The following ISM1 variants were observed in gnomAD, a reference collection of about 807,000 sequenced individuals.
ISM1 encodes isthmin-1.
Under a neutral mutation model 46.3 loss-of-function variants are expected in ISM1, and 25 were observed. The observed-to-expected ratio is 0.54, with a 90% CI of 0.39 to 0.75. The LOEUF is 0.75. Among genes scored for constraint, ISM1 ranks in the 30% least tolerant of loss-of-function variants. The pLI is 0.00. For synonymous variants in ISM1, 255 were observed against 256.7 expected (o/e 0.99, Z 0.06); for missense variants, 536 against 625.4 (o/e 0.86, Z 1.52).
rs77718667 is a variant in ISM1, at chr20:13,272,931, C to T, written c.378+2188C>T. On this transcript the variant is annotated intron_variant, in intron 2 of 5. Coordinates refer to ENST00000262487, the MANE Select transcript of ISM1 (RefSeq NM_080826.2). ...ACAATCTGAAGCCTGCTGTGGCTAG[C>T]GCTTTTTCCCAGAGGTGGGAATGTC... is the stretch of plus-strand genomic sequence containing the variant. Among the ~76,000 whole-genome samples, 1,378 of 152,308 alleles carry T rather than the reference C, an allele frequency of 9.0e-3. 27 individuals carry two copies. Among genetic ancestry groups the T allele is most frequent in the African/African-American group, 0.031 (1,303 of 41,550 alleles).
chr20:13,312,482 C>CCT, the ISM1 span, among the ~76,000 whole-genome samples: 3 of 152,214 alleles, frequency 2.0e-5, no homozygotes, highest in Admixed American at 2.0e-4. Flanking sequence ...TCCTCTCCCT[C>CCT]ATGCACAGTC....
At chr20:13,251,503 T>TG (rs111623381) in intron 1 of ISM1, among the ~76,000 whole-genome samples, 6,180 of 152,270 alleles carry the variant, frequency 0.041, 194 homozygotes, top group African/African-American at 0.079. Context: ...ATTCTGGGGA[T>TG]GGATCCTCTG....
chr20:13,271,385 G>A (rs919931582), intron 2 of ISM1, among the ~76,000 whole-genome samples: 2 of 152,180 alleles, frequency 1.3e-5, no homozygotes, highest in Non-Finnish European at 2.9e-5. Context: ...GGGAGGTTAG[G>A]GAAAGGGTGA....
intron 2 of ISM1, among the ~76,000 whole-genome samples, chr20:13,271,140 A>T (rs1177930823): frequency 6.6e-6 from 1 of 152,242 alleles, no homozygotes; most frequent in Admixed American, 6.5e-5. Context: ...CTGTGAATAG[A>T]TTGGGCAAAT....
chr20:13,264,103 A>T (rs2040018211), intron 1 of ISM1, among the ~76,000 whole-genome samples: 1 of 152,120 alleles, frequency 6.6e-6, no homozygotes, highest in Non-Finnish European at 1.5e-5. Flanking sequence ...ATCAACTAGT[A>T]CTTATTTGTT....
the ISM1 span, among the ~76,000 whole-genome samples, chr20:13,313,377 T>C: frequency 0.37 from 56,397 of 152,160 alleles, 11,401 homozygotes; most frequent in East Asian, 0.67. Flanking sequence ...CTTACTCTTG[T>C]GTCAATCACA....
At chr20:13,252,676 A>G (rs1300959970) in intron 1 of ISM1, among the ~76,000 whole-genome samples, 1 of 152,134 alleles carries the variant, frequency 6.6e-6, no homozygotes, top group Non-Finnish European at 1.5e-5. Context: ...AATCGCTTGA[A>G]CACGGGAGAC....
chr20:13,247,520 G>T (rs2039811608), intron 1 of ISM1, among the ~76,000 whole-genome samples: 2 of 85,324 alleles, frequency 2.3e-5, no homozygotes, highest in Admixed American at 1.1e-4. Context: ...AGTGAGGGGT[G>T]TGTGTGTGTG....
At chr20:13,253,616 G>A (rs2039891394) in intron 1 of ISM1, among the ~76,000 whole-genome samples, 1 of 152,028 alleles carries the variant, frequency 6.6e-6, no homozygotes, top group Non-Finnish European at 1.5e-5. Context: ...CCTGCTGCTG[G>A]GCCCCACCCC....
intron 1 of ISM1, among the ~76,000 whole-genome samples, chr20:13,242,070 G>GA (rs1305188283): frequency 1.7e-4 from 26 of 152,166 alleles, no homozygotes; most frequent in Non-Finnish European, 2.9e-5. Flanking sequence ...TTTAAAACTG[G>GA]AAAAATGAGT....
intron 5 of ISM1, among the ~76,000 whole-genome samples, chr20:13,293,154 C>T (rs920487421): frequency 4.7e-5 from 7 of 150,176 alleles, no homozygotes; most frequent in South Asian, 2.1e-4. Flanking sequence ...GAGCTGAGAT[C>T]GCGCCACTGC....
At chr20:13,271,207 A>G (rs1251839700) in intron 2 of ISM1, among the ~76,000 whole-genome samples, 1 of 152,194 alleles carries the variant, frequency 6.6e-6, no homozygotes, top group Non-Finnish European at 1.5e-5. Context: ...GTGCCCCTCT[A>G]AACTTGCCTT....
Position 13,299,058 on chromosome 20 carries a change from T to C in ISM1, c.994T>C (p.Tyr332His). The change falls in exon 6 of 6, where the codon TAC becomes CAC. Residue 332 changes from tyrosine to histidine, a missense_variant. Transcript: ENST00000262487. The surrounding 1 kb of genome is among the most constrained non-coding windows in gnomAD (Gnocchi z 5.8). ...CTGCTCCTACCCCACTGAGGTGGCC[T>C]ACAGCACGGCCGACATCTTCGACCG... ...CPCSYPTEVA[Y>H]STADIFDRIK... 6.2e-7 allele frequency: 1 copy of C among 1,613,796 alleles called. No individual in the cohort carries two copies. The highest frequency in any genetic ancestry group is 8.5e-7 in the Non-Finnish European group (1 of 1,179,842).
Position 13,274,675 on chromosome 20 carries a change from C to T in ISM1, c.378+3932C>T, listed in dbSNP as rs546687523. Among the ~76,000 whole-genome samples the T allele has an allele frequency of 2.5e-3, 383 of 151,944 alleles. 2 individuals are homozygous for T. The highest frequency in any genetic ancestry group is 4.0e-3 in the Non-Finnish European group (269 of 67,874). ...CCGCCCCCTCTCCACTCCCCGCCCC[C>T]CCCGCGCCCGGCCCCCGGGCCTCTT... On this transcript the variant is annotated intron_variant, in intron 2 of 5. Coordinates refer to ENST00000262487, the MANE Select transcript of ISM1 (RefSeq NM_080826.2).
chr20:13,240,517 A>G (rs377378917), intron 1 of ISM1, among the ~76,000 whole-genome samples: 1 of 152,190 alleles, frequency 6.6e-6, no homozygotes, highest in Non-Finnish European at 1.5e-5. Flanking sequence ...TGACTAAGGG[A>G]TGGAAAAGAG....
At position 13,300,346 on chromosome 20, in the gene ISM1, T is replaced by G. The variant is rs1600574215; in HGVS notation, c.*887T>G. 6.6e-6 allele frequency: 1 copy of G among 152,056 alleles called. No homozygotes were observed. Among genetic ancestry groups the G allele is most frequent in the African/African-American group, 2.4e-5 (1 of 41,398 alleles). The allele number at this position is 152,056 out of a possible 1,614,324, so 9.4% of individuals were successfully genotyped here. A position where few individuals can be genotyped will look rare whatever the true frequency, so the allele number is the denominator to read the frequency against. On this transcript the variant is annotated 3_prime_UTR_variant, in exon 6 of 6. Coordinates refer to ENST00000262487, the MANE Select transcript of ISM1 (RefSeq NM_080826.2). ...TGGGAAAAAGATAATGGACCGCATT[T>G]CACCTATTTTAATACTATTTTAACA...
At chr20:13,291,760 C>T (rs1481175003) in intron 4 of ISM1, among the ~76,000 whole-genome samples, 1 of 152,202 alleles carries the variant, frequency 6.6e-6, no homozygotes, top group Non-Finnish European at 1.5e-5. Context: ...CTTGGCTATG[C>T]ATTGTAGCAT....
chr20:13,227,654 G>A (rs1440180235), intron 1 of ISM1, among the ~76,000 whole-genome samples: 33 of 149,280 alleles, frequency 2.2e-4, no homozygotes, highest in African/African-American at 7.6e-4. Context: ...GACTACAGGC[G>A]CCCGCCACCA....
chr20:13,303,632 C>T (rs905778201), downstream of ISM1, among the ~76,000 whole-genome samples: 7 of 152,224 alleles, frequency 4.6e-5, no homozygotes, highest in African/African-American at 1.7e-4. Context: ...TTCAGTGGGC[C>T]TGGACTCCAA....
Sources: allele counts gnomAD v4.1 joint callset (sites outside exome capture counted in the v4.1 genomes callset), GRCh38; gene constraint gnomAD v4.1.1; non-coding constraint Gnocchi (gnomAD v3.1); transcripts MANE v1.5; gene names NCBI Gene and HGNC (gene_info 2026-07-23, HGNC 2026-07-21).